DHTKD1: variants seen among roughly 807,000 people sequenced by gnomAD.
DHTKD1 encodes the protein 2-oxoadipate dehydrogenase complex component E1.
A neutral mutation model predicts 101.8 loss-of-function variants in DHTKD1; 78 were observed. That is an observed-to-expected ratio of 0.77 (90% CI 0.64 to 0.93). The LOEUF is 0.93. Ranked by LOEUF, DHTKD1 falls within the 40% of genes least tolerant of loss-of-function variation. The probability of loss-of-function intolerance (pLI) is 0.00; values close to 1 mark genes in which losing one functional copy is unlikely to be tolerated. For missense variants in DHTKD1, 1,223 were observed against 1,161.7 expected, an observed-to-expected ratio of 1.05 and a Z score of -0.77; for synonymous variants, 462 against 450.3, an observed-to-expected ratio of 1.03 and a Z score of -0.33.
rs1259845639 is a variant in DHTKD1 at position 12,107,804 on chromosome 10, G to A, written c.2048-105G>A. 5.6e-6 allele frequency: 4 copies of A among 708,496 alleles called. No individual in the cohort carries two copies. The Admixed American group carries it at 9.9e-5, about 18-fold the overall frequency. The allele number at this position is 708,496 out of a possible 1,614,324, so 43.9% of individuals were successfully genotyped here. A position where few individuals can be genotyped will look rare whatever the true frequency, so the allele number is the denominator to read the frequency against. On this transcript the variant is annotated intron_variant, in intron 11 of 16. Transcript: ENST00000263035. This position sits in a 1 kb window ranked among gnomAD's most constrained non-coding sequence, Gnocchi z 4.1. ...AGGTGCATGTAATGAAAGCAGTTTT[G>A]GGGGGCCAGGCAGAAAACTAACATT...
chr10:12,118,876 G>C lies in DHTKD1; in HGVS notation c.2530G>C (p.Asp844His). Residue 844 changes from aspartate to histidine, a missense_variant, in exon 15 of 17, where the codon GAT becomes CAT. By Grantham distance (81) the Asp-to-His change is moderately conservative. Coordinates refer to ENST00000263035, the MANE Select transcript of DHTKD1 (RefSeq NM_018706.7). ...RVEELCPFPL[D>H]SLQQEMSKYK... ...AGAGGAACTCTGCCCCTTCCCGTTGGATTCTTTACAGCAAGAGATGAGCAA... is the reference window on the plus strand; with the variant it reads ...AGAGGAACTCTGCCCCTTCCCGTTGCATTCTTTACAGCAAGAGATGAGCAA... The C allele has an allele frequency of 1.2e-6, 2 of 1,604,296 alleles. No individual in the cohort carries two copies. The highest frequency in any genetic ancestry group is 1.7e-6 in the Non-Finnish European group (2 of 1,175,818).
chr10:12,072,068 C>T (rs927955848), intron 1 of DHTKD1, among the ~76,000 whole-genome samples: 20 of 152,258 alleles, frequency 1.3e-4, no homozygotes, highest in South Asian at 2.1e-4. Context: ...CAGCGTGCGC[C>T]GGGTTCACTG....
At chr10:12,071,744 T>C (rs751273072) in intron 1 of DHTKD1, among the ~76,000 whole-genome samples, 2 of 152,054 alleles carry the variant, frequency 1.3e-5, no homozygotes, top group Non-Finnish European at 2.9e-5. Flanking sequence ...CCCAGGCTGG[T>C]CTCGAACTCC....
intron 15 of DHTKD1, among the ~76,000 whole-genome samples, chr10:12,119,336 C>T (rs750707251): frequency 2.7e-5 from 4 of 150,516 alleles, no homozygotes; most frequent in South Asian, 4.2e-4. Flanking sequence ...TTGGTACAGG[C>T]GGGGCGCGGT....
intron 14 of DHTKD1, among the ~76,000 whole-genome samples, chr10:12,118,233 T>C (rs113772304): frequency 3.8e-4 from 57 of 151,784 alleles, no homozygotes; most frequent in African/African-American, 1.4e-3. Context: ...ATGAGTTAAG[T>C]GTGGGTGGGA....
intron 13 of DHTKD1, among the ~76,000 whole-genome samples, chr10:12,114,523 T>C (rs1833383669): frequency 1.3e-5 from 2 of 152,300 alleles, no homozygotes; most frequent in South Asian, 4.1e-4. Flanking sequence ...CTGGAACTCC[T>C]GGCCTCATGT....
chr10:12,079,330 G>A (rs1197195595), intron 1 of DHTKD1, among the ~76,000 whole-genome samples: 2 of 152,140 alleles, frequency 1.3e-5, no homozygotes, highest in Non-Finnish European at 2.9e-5. Flanking sequence ...AAGAAAACCG[G>A]GTTCCTGCAA....
chr10:12,121,065 CA>C lies in DHTKD1; in HGVS notation c.*183del. ...TGAAACCCCGCCTCTACTAAAAATA[CA>C]AAAAATAGCCGGGTGTGGTGGTGGG... is the stretch of plus-strand genomic sequence containing the variant. On this transcript the variant is annotated 3_prime_UTR_variant, in exon 17 of 17. Transcript: ENST00000263035. 2.1e-6 allele frequency: 1 copy of C among 468,014 alleles called. No individual in the cohort carries two copies. 29.0% of individuals were successfully genotyped at this position (468,014 alleles called of 1,614,324 possible). A position where few individuals can be genotyped will look rare whatever the true frequency, so the allele number is the denominator to read the frequency against.
chr10:12,090,239 C>A (rs566566536), intron 5 of DHTKD1, among the ~76,000 whole-genome samples: 2 of 152,194 alleles, frequency 1.3e-5, no homozygotes, highest in South Asian at 4.1e-4. Context: ...ATAAGGCAAT[C>A]AAATATTCTA....
At chr10:12,070,305 A>G (rs549727811) in intron 1 of DHTKD1, among the ~76,000 whole-genome samples, 1 of 152,326 alleles carries the variant, frequency 6.6e-6, no homozygotes, top group South Asian at 2.1e-4. Context: ...GAAGATAAGT[A>G]CAGATTGCTT....
intron 14 of DHTKD1, among the ~76,000 whole-genome samples, chr10:12,118,385 C>CTTTTT: frequency 7.3e-6 from 1 of 137,522 alleles, no homozygotes; most frequent in Admixed American, 7.5e-5. Flanking sequence ...ACATAATTCT[C>CTTTTT]TTTTTTTTTT....
At chr10:12,111,020 T>A (rs1833321230) in intron 12 of DHTKD1, among the ~76,000 whole-genome samples, 1 of 125,560 alleles carries the variant, frequency 8.0e-6, no homozygotes, top group Non-Finnish European at 1.6e-5. Context: ...CATTCCAGCC[T>A]GGGCAAGAGA....
At position 12,101,175 on chromosome 10, in the gene DHTKD1, T is replaced by C. The variant is rs752945157; in HGVS notation, c.1890T>C (p.Phe630=). The stretch of plus-strand genomic sequence containing the variant: ...ATATGGACCCAAATCAGAAGGGGTT[T>C]CTAGAGGTGAGATGTTTCTATAGCT... The part of the protein sequence containing the change: ...LNHMDPNQKG[F]LEVSNSPLSE... The change falls in exon 10 of 17, where the codon TTT becomes TTC. Residue 630 remains phenylalanine (F), a synonymous_variant. Coordinates refer to ENST00000263035, the MANE Select transcript of DHTKD1 (RefSeq NM_018706.7). 2.5e-6 allele frequency: 4 copies of C among 1,612,372 alleles called. No homozygotes were observed. Among genetic ancestry groups the C allele is most frequent in the Non-Finnish European group, 3.4e-6 (4 of 1,179,616 alleles).
At chr10:12,070,903 C>A (rs181644123) in intron 1 of DHTKD1, among the ~76,000 whole-genome samples, 4 of 152,320 alleles carry the variant, frequency 2.6e-5, no homozygotes, top group East Asian at 1.9e-4. Context: ...TGACAAGATA[C>A]AATGAACATA....
At chr10:12,100,395 A>C in intron 9 of DHTKD1, 133 bp downstream of exon 9, 2 of 515,138 alleles carry the variant, frequency 3.9e-6, no homozygotes, top group Middle Eastern at 5.6e-4. Flanking sequence ...CTCCTGCCCC[A>C]GCCTCCCAAG....
chr10:12,099,835 C>T (rs1481940591), intron 8 of DHTKD1, among the ~76,000 whole-genome samples: 1 of 137,890 alleles, frequency 7.3e-6, no homozygotes, highest in Non-Finnish European at 1.5e-5. Flanking sequence ...CTTGCTCTGT[C>T]GCCCAGGCTG....
chr10:12,094,799 C>G (rs1455298702), intron 7 of DHTKD1, among the ~76,000 whole-genome samples: 3 of 152,166 alleles, frequency 2.0e-5, no homozygotes, highest in Admixed American at 2.0e-4. Flanking sequence ...ATCACCACGC[C>G]TGGCTAATCT....
intron 1 of DHTKD1, among the ~76,000 whole-genome samples, chr10:12,071,575 G>A (rs7922077): frequency 0.07 from 10,521 of 150,560 alleles, 1,205 homozygotes; most frequent in African/African-American, 0.24. Context: ...TTCAAAACTA[G>A]CCTGGCCAAC....
intron 14 of DHTKD1, among the ~76,000 whole-genome samples, chr10:12,118,281 C>T (rs1207446506): frequency 6.6e-6 from 1 of 151,994 alleles, no homozygotes; most frequent in South Asian, 2.1e-4. Flanking sequence ...GAAGAAGGGT[C>T]CCCAGGAATA....
Sources: allele counts gnomAD v4.1 joint callset (sites outside exome capture counted in the v4.1 genomes callset), GRCh38; gene constraint gnomAD v4.1.1; non-coding constraint Gnocchi (gnomAD v3.1); transcripts MANE v1.5; gene names NCBI Gene and HGNC (gene_info 2026-07-23, HGNC 2026-07-21).